The following CYB5R2 variants were observed in gnomAD, a reference collection of about 807,000 sequenced individuals.
CYB5R2 encodes the protein cytochrome b5 reductase 2, also known as NADH-cytochrome b5 reductase 2.
A neutral mutation model predicts 29.8 loss-of-function variants in CYB5R2; 35 were observed. The observed-to-expected ratio is 1.17, with a 90% CI of 0.90 to 1.56. The LOEUF (loss-of-function observed/expected upper bound fraction) is 1.56. Ranked by LOEUF, CYB5R2 falls within the 40% of genes most tolerant of loss-of-function variation. The pLI, the probability that CYB5R2 is intolerant of heterozygous loss-of-function variation, is 0.00. For synonymous variants in CYB5R2, 169 were observed against 130.6 expected, an observed-to-expected ratio of 1.29 and a Z score of -2.01; for missense variants, 419 against 346.7, an observed-to-expected ratio of 1.21 and a Z score of -1.66.
chr11:7,668,636 T>TAGGACTCCCAGGAGGCACGTCCAGCTA, intron 5 of CYB5R2, 75 bp from the exon 6 acceptor site: 1 of 1,240,588 alleles, frequency 8.1e-7, no homozygotes, highest in South Asian at 1.2e-5. Flanking sequence ...TGACATTCCT[T>TAGGACTCCCAGGAGGCACGTCCAGCTA]AGGACTCCCA....
At chr11:7,667,297 A>T (rs1855345594) in intron 7 of CYB5R2, 1 of 151,018 alleles carries the variant, frequency 6.6e-6, no homozygotes, top group African/African-American at 2.4e-5. Context: ...AAAGCATCTT[A>T]AAGAGAAGAA....
chr11:7,667,753 C>T lies in CYB5R2; in HGVS notation c.533G>A (p.Arg178Lys), dbSNP rs1232914847. Residue 178 changes from arginine (R) to lysine (K), a missense_variant, in exon 7 of 9, where the codon AGG (arginine) becomes AAG (lysine). Transcript: ENST00000299498. ...HITKDPSDRTRMSLIFANQTE... is the reference protein window; with the variant it reads ...HITKDPSDRTKMSLIFANQTE... ...CTGGTTGGCAAAGATGAGGGACATCCTGGTCCTGTCACTGGGGTCCTTGGT... is the reference window on the plus strand; with the variant it reads ...CTGGTTGGCAAAGATGAGGGACATCTTGGTCCTGTCACTGGGGTCCTTGGT... The T allele has an allele frequency of 2.5e-6, 4 of 1,614,230 alleles. No homozygotes were observed. The South Asian group carries it at 4.4e-5, about 18-fold the overall frequency.
Position 7,669,225 on chromosome 11 carries a change from C to T in CYB5R2, c.368G>A (p.Arg123His), listed in dbSNP as rs375870163. The T allele has an allele frequency of 3.2e-5, 51 of 1,613,982 alleles. No individual in the cohort carries two copies. Among genetic ancestry groups the T allele is most frequent in the Non-Finnish European group, 3.6e-5 (43 of 1,180,014 alleles). Residue 123 changes from arginine (R) to histidine (H), a missense_variant, in exon 5 of 9, where the codon CGC becomes CAC. Transcript: ENST00000299498. ...AGTACCTGGCCCATGGTAAAACAAG[C>T]GTCCCCTTGGCCCTCGAAAAAAGAT... ...ETIFFRGPRGRLFYHGPGNLG... is the reference protein window; with the variant it reads ...ETIFFRGPRGHLFYHGPGNLG...
chr11:7,673,763 G>GCCGGTGC, upstream of CYB5R2: 1 of 986,960 alleles, frequency 1.0e-6, no homozygotes, highest in South Asian at 4.7e-5. Flanking sequence ...GTTGGCCGGG[G>GCCGGTGC]GCCGCTCCCC....
In CYB5R2 at chr11:7,666,501, G is replaced by A; in HGVS notation, c.608C>T (p.Thr203Ile). ...CCACAGGTTGAACTGGTCTGGGTGAGTCCTGGCAATTTCTTCAAGCTCTTT... is the reference window on the plus strand; with the variant it reads ...CCACAGGTTGAACTGGTCTGGGTGAATCCTGGCAATTTCTTCAAGCTCTTT... ...VRKELEEIAR[T>I]HPDQFNLWYT... Residue 203 changes from threonine to isoleucine, a missense_variant, in exon 8 of 9, where the codon ACT becomes ATT. By Grantham distance (89) the Thr-to-Ile change is moderately conservative (BLOSUM62 -1). Transcript: ENST00000299498. 1.2e-6 allele frequency: 2 copies of A among 1,613,616 alleles called. No homozygotes were observed. The highest frequency in any genetic ancestry group is 1.7e-6 in the Non-Finnish European group (2 of 1,179,608).
Position 7,667,766 on chromosome 11 carries a change from T to G in CYB5R2, c.520A>C (p.Ser174Arg). ...QLIRHITKDPSDRTRMSLIFA... is the reference protein window; with the variant it reads ...QLIRHITKDPRDRTRMSLIFA... ...ATGAGGGACATCCTGGTCCTGTCAC[T>G]GGGGTCCTTGGTGATGTGGCGAATG... The change falls in exon 7 of 9, where the codon AGT becomes CGT. Residue 174 changes from serine (S) to arginine (R), a missense_variant. Physicochemically the swap from Ser to Arg is moderately radical, Grantham distance 110. Transcript: ENST00000299498. 6.2e-7 allele frequency: 1 copy of G among 1,614,218 alleles called. No individual in the cohort carries two copies. Among genetic ancestry groups the G allele is most frequent in the Non-Finnish European group, 8.5e-7 (1 of 1,180,032 alleles).
intron 5 of CYB5R2, 64 bp downstream of exon 5, chr11:7,669,141 A>G (rs1462262310): frequency 1.3e-6 from 2 of 1,599,898 alleles, no homozygotes. Flanking sequence ...GTGTACGAGA[A>G]CAATGGAACC....
chr11:7,667,863 A>C (rs777428351), intron 6 of CYB5R2, 50 bp from the exon 7 acceptor site: 3 of 1,451,928 alleles, frequency 2.1e-6, no homozygotes, highest in Middle Eastern at 1.7e-4. Flanking sequence ...TCTGAAGCCC[A>C]CAGTCCCTGA....
chr11:7,667,958 T>C (rs1855431713), intron 6 of CYB5R2, 145 bp from the exon 7 acceptor site: 1 of 668,268 alleles, frequency 1.5e-6, no homozygotes. Flanking sequence ...GAAACAGCCC[T>C]TCATTTTGGT....
intron 3 of CYB5R2, chr11:7,670,344 C>A: frequency 7.9e-6 from 1 of 126,584 alleles, no homozygotes; most frequent in Non-Finnish European, 1.7e-5. Flanking sequence ...CAGAATGAGA[C>A]CCTGTCTCAA....
chr11:7,672,401 G>T (rs944576947), intron 3 of CYB5R2, 50 bp downstream of exon 3: 4 of 1,516,586 alleles, frequency 2.6e-6, no homozygotes, highest in Non-Finnish European at 3.7e-6. Context: ...AGAGAGGAGG[G>T]CCTAGCCCCC....
At position 7,669,797 on chromosome 11, in the gene CYB5R2, G is replaced by C. The variant is rs993997345; in HGVS notation, c.152-66C>G. ...GCTTAAATAAGGCCCAGGAATAAAG[G>C]ACTGAGCTTCAGTGAAGGGAGCAAA... On this transcript the variant is annotated intron_variant, in intron 3 of 8. Transcript: ENST00000299498. The C allele has an allele frequency of 5.1e-6, 6 of 1,169,726 alleles. No homozygotes were observed. The East Asian group carries it at 7.1e-5, about 14-fold the overall frequency. 72.5% of individuals were successfully genotyped at this position (1,169,726 alleles called of 1,614,324 possible).
Position 7,665,371 on chromosome 11 carries a change from G to GTT in CYB5R2, c.*2_*3insAA. ...ATGCAAAATTGCTGAGCACGTGGAG[G>GTT]TGTTAGTAGGTGAAAATCATGTCCT... On this transcript the variant is annotated 3_prime_UTR_variant, in exon 9 of 9. Transcript: ENST00000299498. 6.5e-7 allele frequency: 1 copy of GTT among 1,544,628 alleles called. No individual in the cohort carries two copies. Among genetic ancestry groups the GTT allele is most frequent in the African/African-American group, 1.4e-5 (1 of 72,878 alleles).
At chr11:7,665,801 A>G (rs2136103812) in intron 8 of CYB5R2, 1 of 1,505,614 alleles carries the variant, frequency 6.6e-7, no homozygotes. Context: ...AGCATTGACG[A>G]GGAAGGAGAA....
Position 7,665,243 on chromosome 11 carries a change from G to C in CYB5R2, c.*131C>G. 1 of 767,600 alleles carries C rather than the reference G, an allele frequency of 1.3e-6. No individual in the cohort carries two copies. Among genetic ancestry groups the C allele is most frequent in the Non-Finnish European group, 2.0e-6 (1 of 501,074 alleles). The allele number at this position is 767,600 out of a possible 1,614,324, so 47.5% of individuals were successfully genotyped here. A position where few individuals can be genotyped will look rare whatever the true frequency, so the allele number is the denominator to read the frequency against. ...TTTTGTTAGGCCCACACCCAAAAGA[G>C]GAGAACCAGTGTGTGCGCGAAGGTA... On this transcript the variant is annotated 3_prime_UTR_variant, in exon 9 of 9. Coordinates refer to ENST00000299498, the MANE Select transcript of CYB5R2 (RefSeq NM_016229.5).
At position 7,669,634 on chromosome 11, in the gene CYB5R2, T is replaced by G; in HGVS notation, c.249A>C (p.Leu83=). ...GGTGGGCACTATTTACCTTTATAAT[T>G]AGGTCCACAAAGCCTCTGTCATCAT... ...SSDDDRGFVD[L]IIKIYFKNVH... Residue 83 remains leucine (L), a synonymous_variant, in exon 4 of 9, where the codon CTA becomes CTC. Transcript: ENST00000299498. 1 of 1,598,284 alleles carries G rather than the reference T, an allele frequency of 6.3e-7. No individual in the cohort carries two copies. Among genetic ancestry groups the G allele is most frequent in the Non-Finnish European group, 8.5e-7 (1 of 1,173,370 alleles).
Position 7,667,787 on chromosome 11 carries a change from G to T in CYB5R2, c.499C>A (p.Arg167Ser). ...TGITPMLQLI[R>S]HITKDPSDRT... ...TCACTGGGGTCCTTGGTGATGTGGCGAATGAGCTGCAACATGGGTGTGATG... is the reference window on the plus strand; with the variant it reads ...TCACTGGGGTCCTTGGTGATGTGGCTAATGAGCTGCAACATGGGTGTGATG... Residue 167 changes from arginine (R) to serine (S), a missense_variant, in exon 7 of 9, where the codon CGC (arginine) becomes AGC (serine). Arg to Ser is a moderately radical substitution (Grantham distance 110). Transcript: ENST00000299498. 1 of 1,614,154 alleles carries T rather than the reference G, an allele frequency of 6.2e-7. No homozygotes were observed. The highest frequency in any genetic ancestry group is 8.5e-7 in the Non-Finnish European group (1 of 1,180,012).
intron 1 of CYB5R2, 185 bp downstream of exon 1, chr11:7,673,234 T>A (rs1855870752): frequency 1.0e-5 from 5 of 485,320 alleles, no homozygotes; most frequent in Non-Finnish European, 1.2e-5. Flanking sequence ...GGGGAGGACA[T>A]CACCCCTAAC....
At position 7,672,510 on chromosome 11, in the gene CYB5R2, T is replaced by C. The variant is rs551869923; in HGVS notation, c.92A>G (p.Asn31Ser). The C allele has an allele frequency of 1.2e-6, 2 of 1,614,192 alleles. No homozygotes were observed. The highest frequency in any genetic ancestry group is 1.7e-6 in the Non-Finnish European group (2 of 1,180,026). The part of the protein sequence containing the change: ...PLIEKEKISH[N>S]TRRFRFGLPS... ...CAGTCCAAAGCGGAACCTCCGGGTG[T>C]TGTGGCTGATTTTCTGATAAAACAA... The change falls in exon 3 of 9, where the codon AAC becomes AGC. Residue 31 changes from asparagine (N) to serine (S), a missense_variant. By Grantham distance (46) the Asn-to-Ser change is conservative (BLOSUM62 1). Coordinates refer to ENST00000299498, the MANE Select transcript of CYB5R2 (RefSeq NM_016229.5).
Sources: gnomAD v4.1 joint callset for allele counts on GRCh38, gnomAD v4.1.1 for gene constraint, MANE v1.5 for transcripts, NCBI Gene and HGNC (gene_info 2026-07-23, HGNC 2026-07-21) for gene names.